NRP2: variants seen among roughly 807,000 people sequenced by gnomAD.
The protein encoded by NRP2 is neuropilin-2.
NRP2 carries 52 observed loss-of-function variants against 110.4 expected under a neutral mutation model. The ratio of observed to expected loss-of-function variants is 0.47; its 90% CI spans 0.38 to 0.59. The LOEUF (loss-of-function observed/expected upper bound fraction) is 0.59, where lower values mean the gene tolerates loss of function less well. NRP2 is among the 20% of genes least tolerant of loss of function. The pLI is 0.00. For missense variants in NRP2, 1,049 were observed against 1,203.0 expected (o/e 0.87, Z 1.89); for synonymous variants, 508 against 468.9 (o/e 1.08, Z -1.08).
At chr2:205,745,698 G>C in intron 9 of NRP2, 48 bp from the exon 10 acceptor site, 1 of 1,612,328 alleles carries the variant, frequency 6.2e-7, no homozygotes, top group Admixed American at 1.7e-5. Context: ...GAAGGTGATA[G>C]GGACTGGGTC....
At chr2:205,787,218 C>G (rs942056191) in intron 15 of NRP2, among the ~76,000 whole-genome samples, 2 of 152,142 alleles carry the variant, frequency 1.3e-5, no homozygotes, top group African/African-American at 4.8e-5. Context: ...GGGAGGTAGG[C>G]ATTCCGCCCC....
chr2:205,742,708 T>C (rs530745971), intron 8 of NRP2, among the ~76,000 whole-genome samples: 12 of 152,354 alleles, frequency 7.9e-5, no homozygotes, highest in Non-Finnish European at 1.6e-4. Flanking sequence ...AATGTTTAGC[T>C]CAGTTCCCCT....
At chr2:205,781,928 C>G in intron 15 of NRP2, among the ~76,000 whole-genome samples, 1 of 152,132 alleles carries the variant, frequency 6.6e-6, no homozygotes. Flanking sequence ...CAGATACAAT[C>G]AGAAACCCAC....
Position 205,740,507 on chromosome 2 carries a change from C to A in NRP2, c.1147-12C>A. On this transcript the variant is annotated splice_polypyrimidine_tract_variant and intron_variant, in intron 7 of 16. Transcript: ENST00000357785. ...GGGTTTCAATAACATGGTTTTGCAT[C>A]TTACGCTACAGGTATTTCAAGCCAA... The A allele has an allele frequency of 6.2e-7, 1 of 1,614,186 alleles. No homozygotes were observed. The highest frequency in any genetic ancestry group is 8.5e-7 in the Non-Finnish European group (1 of 1,180,000).
chr2:205,782,126 C>T (rs571477065), intron 15 of NRP2, among the ~76,000 whole-genome samples: 1 of 152,038 alleles, frequency 6.6e-6, no homozygotes, highest in African/African-American at 2.4e-5. Context: ...ACAACCAAGC[C>T]GAAGCCATTC....
chr2:205,715,494 C>T (rs1012378076), intron 2 of NRP2, among the ~76,000 whole-genome samples: 1 of 152,184 alleles, frequency 6.6e-6, no homozygotes, highest in Non-Finnish European at 1.5e-5. Flanking sequence ...TAACATGAGG[C>T]TGATTCCTTT....
In NRP2 at chr2:205,716,389, A is replaced by G; in HGVS notation, c.433+15A>G. ...CTTCAAGACAGGTCAGTGTGGTCACACGTAGGGGCCGGGAGATGGGCGTCT... is the reference window on the plus strand; with the variant it reads ...CTTCAAGACAGGTCAGTGTGGTCACGCGTAGGGGCCGGGAGATGGGCGTCT... On this transcript the variant is annotated intron_variant, in intron 3 of 16. Transcript: ENST00000357785. 6.2e-7 allele frequency: 1 copy of G among 1,613,212 alleles called. No homozygotes were observed. Among genetic ancestry groups the G allele is most frequent in the Non-Finnish European group, 8.5e-7 (1 of 1,179,956 alleles).
At chr2:205,698,098 C>A (rs1328030149) in intron 2 of NRP2, among the ~76,000 whole-genome samples, 1 of 152,046 alleles carries the variant, frequency 6.6e-6, no homozygotes, top group East Asian at 1.9e-4. Flanking sequence ...TAAACCCCAC[C>A]CACTTCCTTA....
chr2:205,780,686 A>C (rs559900061), intron 15 of NRP2, among the ~76,000 whole-genome samples: 6 of 152,328 alleles, frequency 3.9e-5, no homozygotes, highest in African/African-American at 9.6e-5. Flanking sequence ...GAGAAAATGT[A>C]CATGTTCAGA....
chr2:205,728,845 G>A (rs980400587), intron 7 of NRP2, among the ~76,000 whole-genome samples: 1 of 152,224 alleles, frequency 6.6e-6, no homozygotes, highest in African/African-American at 2.4e-5. Flanking sequence ...GGGAACACAG[G>A]GCACGATGCC....
At chr2:205,780,502 A>G (rs769683817) in intron 15 of NRP2, among the ~76,000 whole-genome samples, 3 of 152,172 alleles carry the variant, frequency 2.0e-5, no homozygotes. Flanking sequence ...GGGAAAATCT[A>G]GGAAAGGCAG....
chr2:205,703,566 C>T (rs1270415634), intron 2 of NRP2, among the ~76,000 whole-genome samples: 1 of 152,202 alleles, frequency 6.6e-6, no homozygotes, highest in East Asian at 1.9e-4. Flanking sequence ...GTCTGCCTCC[C>T]CGGCATCATG....
At chr2:205,722,161 T>TA in intron 3 of NRP2, 1 of 332,768 alleles carries the variant, frequency 3.0e-6, no homozygotes, top group African/African-American at 2.3e-5. Flanking sequence ...TCTCTCTCTC[T>TA]CTCTCTCTCA....
At chr2:205,710,418 A>G (rs1045291899) in intron 2 of NRP2, among the ~76,000 whole-genome samples, 3 of 152,254 alleles carry the variant, frequency 2.0e-5, no homozygotes, top group Non-Finnish European at 4.4e-5. Context: ...TAAATGAAAT[A>G]ATATCTGAAT....
intron 15 of NRP2, among the ~76,000 whole-genome samples, chr2:205,780,273 T>C (rs1474660086): frequency 6.6e-6 from 1 of 152,162 alleles, no homozygotes; most frequent in Non-Finnish European, 1.5e-5. Flanking sequence ...TTTGAACAGG[T>C]AATGAAGATA....
At chr2:205,710,508 A>T (rs1252692583) in intron 2 of NRP2, among the ~76,000 whole-genome samples, 1 of 152,244 alleles carries the variant, frequency 6.6e-6, no homozygotes. Flanking sequence ...AATGGGTGGT[A>T]CAGATGCAAG....
rs1041374585 is a variant in NRP2, at chr2:205,690,473, T to A, written c.74-7071T>A. Among the ~76,000 whole-genome samples, 3 of 152,152 alleles carry A rather than the reference T, an allele frequency of 2.0e-5. No homozygotes were observed. In the East Asian group the frequency reaches 5.8e-4, roughly 29 times the overall value. On this transcript the variant is annotated intron_variant, in intron 1 of 16. Transcript: ENST00000357785. ...TAAAATGGCCGAGCATGGTGGCTCA[T>A]GCCTGTAATCCCAGCACTTTGGGAG...
chr2:205,779,606 C>T (rs972252077), intron 15 of NRP2: 5 of 152,180 alleles, frequency 3.3e-5, no homozygotes, highest in African/African-American at 7.2e-5. Context: ...TACTGTGACA[C>T]CCCTTGCATT....
chr2:205,689,808 G>A (rs930718030), intron 1 of NRP2, among the ~76,000 whole-genome samples: 8 of 151,994 alleles, frequency 5.3e-5, no homozygotes, highest in East Asian at 1.9e-4. Flanking sequence ...TGTTTAAGGC[G>A]CTCTCCCGAA....
Sources: gnomAD v4.1 joint callset for allele counts (sites outside exome capture counted in the v4.1 genomes callset) on GRCh38, gnomAD v4.1.1 for gene constraint, MANE v1.5 for transcripts, NCBI Gene and HGNC (gene_info 2026-07-23, HGNC 2026-07-21) for gene names.